The following SNRPC variants were observed in gnomAD, a reference collection of about 807,000 sequenced individuals.
SNRPC encodes the protein small nuclear ribonucleoprotein polypeptide C.
Under a neutral mutation model 20.0 loss-of-function variants are expected in SNRPC, and 5 were observed. The ratio of observed to expected loss-of-function variants is 0.25; its 90% CI spans 0.13 to 0.53. The LOEUF is 0.53. Among genes scored for constraint, SNRPC ranks in the 20% least tolerant of loss-of-function variants. The pLI is 0.96. For synonymous variants in SNRPC, 61 were observed against 58.7 expected (o/e 1.04, Z -0.18); for missense variants, 112 against 224.1 (o/e 0.50, Z 3.19).
intron 3 of SNRPC, 89 bp from the exon 4 acceptor site, chr6:34,767,819 T>C: frequency 7.6e-7 from 1 of 1,324,006 alleles, no homozygotes; most frequent in African/African-American, 1.5e-5. Flanking sequence ...TTGGAACCGT[T>C]GAAGACTTAA....
At chr6:34,763,169 A>G (rs1469324235) in intron 3 of SNRPC, among the ~76,000 whole-genome samples, 1 of 152,168 alleles carries the variant, frequency 6.6e-6, no homozygotes, top group African/African-American at 2.4e-5. Flanking sequence ...TACCTGATGT[A>G]ACAAAATAGT....
chr6:34,762,085 CTTGAGCCTAGGGG>C (rs1444680419), intron 2 of SNRPC, among the ~76,000 whole-genome samples: 2 of 152,116 alleles, frequency 1.3e-5, no homozygotes, highest in Non-Finnish European at 2.9e-5. Context: ...GAGAGGATCA[CTTGAGCCTAGGGG>C]TTTGAGACCA....
intron 4 of SNRPC, among the ~76,000 whole-genome samples, chr6:34,768,690 T>C (rs1196707758): frequency 6.7e-6 from 1 of 149,354 alleles, no homozygotes; most frequent in Non-Finnish European, 1.5e-5. Flanking sequence ...TGGTGGGGGT[T>C]GCAGTGAGCT....
chr6:34,761,507 G>A (rs2127405887), intron 2 of SNRPC, among the ~76,000 whole-genome samples: 1 of 143,600 alleles, frequency 7.0e-6, no homozygotes, highest in Non-Finnish European at 1.5e-5. Flanking sequence ...GGGAAGACAA[G>A]GAACAATTTT....
chr6:34,757,563 C>T lies in SNRPC; in HGVS notation c.8+12C>T. 6.2e-7 allele frequency: 1 copy of T among 1,612,556 alleles called. No individual in the cohort carries two copies. The highest frequency in any genetic ancestry group is 2.2e-5 in the East Asian group (1 of 44,860). ...AGCAACATGCCCAAGTGAGTGGGGCCCCGAAATCTGAGGGTGATCGTAGTC... is the reference window on the plus strand; with the variant it reads ...AGCAACATGCCCAAGTGAGTGGGGCTCCGAAATCTGAGGGTGATCGTAGTC... On this transcript the variant is annotated intron_variant, in intron 1 of 5. Transcript: ENST00000244520.
chr6:34,767,429 C>G (rs566238299), intron 3 of SNRPC, among the ~76,000 whole-genome samples: 2 of 152,246 alleles, frequency 1.3e-5, no homozygotes, highest in South Asian at 4.1e-4. Context: ...GAGACCAGCC[C>G]GGGCAATATG....
At chr6:34,765,933 G>A (rs1322500270) in intron 3 of SNRPC, among the ~76,000 whole-genome samples, 4 of 151,642 alleles carry the variant, frequency 2.6e-5, no homozygotes, top group Admixed American at 2.6e-4. Flanking sequence ...TAGAGATGGT[G>A]TCTCACTTTG....
At chr6:34,763,951 G>A (rs184587363) in intron 3 of SNRPC, among the ~76,000 whole-genome samples, 9,820 of 149,242 alleles carry the variant, frequency 0.066, 530 homozygotes, top group East Asian at 0.34. Context: ...TCCTGACCTC[G>A]TGATCCACCC....
At chr6:34,768,927 C>T (rs1764651277) in intron 4 of SNRPC, among the ~76,000 whole-genome samples, 1 of 152,074 alleles carries the variant, frequency 6.6e-6, no homozygotes, top group Non-Finnish European at 1.5e-5. Context: ...TGGGAGGGGT[C>T]AGACTGAAAT....
chr6:34,769,807 T>G (rs1309905908), intron 4 of SNRPC, among the ~76,000 whole-genome samples: 1 of 152,202 alleles, frequency 6.6e-6, no homozygotes, highest in East Asian at 1.9e-4. Context: ...TTGCTTTTTA[T>G]TCATAGATTA....
intron 5 of SNRPC, among the ~76,000 whole-genome samples, chr6:34,770,663 C>T (rs371765718): frequency 9.2e-5 from 14 of 152,356 alleles, no homozygotes; most frequent in African/African-American, 3.1e-4. Context: ...CCAGTGACCT[C>T]GTGCTACTAA....
At chr6:34,757,673 G>C in intron 1 of SNRPC, 122 bp downstream of exon 1, 1 of 1,376,868 alleles carries the variant, frequency 7.3e-7, no homozygotes, top group Non-Finnish European at 1.0e-6. Context: ...GGGCCGGGTG[G>C]ACGGAGGCAG....
intron 2 of SNRPC, among the ~76,000 whole-genome samples, chr6:34,761,082 A>G (rs1379890542): frequency 6.6e-6 from 1 of 151,746 alleles, no homozygotes; most frequent in Non-Finnish European, 1.5e-5. Context: ...CAAAAAAGAA[A>G]TGTGTAAAAA....
At chr6:34,761,513 A>ATTTTTTTTTTTTTTTTTTTTTTTTT (rs869059984) in intron 2 of SNRPC, among the ~76,000 whole-genome samples, 1 of 85,650 alleles carries the variant, frequency 1.2e-5, no homozygotes, top group Non-Finnish European at 2.1e-5. Flanking sequence ...ACAAGGAACA[A>ATTTTTTTTTTTTTTTTTTTTTTTTT]TTTTTTTTTT....
Position 34,757,900 on chromosome 6 carries a change from AC to A in SNRPC, c.9-10del. ...GTTGTCGTCTTTTTCTCTTCCTTTC[AC>A]CTCTTTTCAGGTTTTATTGTGACTA... On this transcript the variant is annotated splice_polypyrimidine_tract_variant and intron_variant, in intron 1 of 5. Transcript: ENST00000244520. 6.2e-7 allele frequency: 1 copy of A among 1,608,230 alleles called. No homozygotes were observed.
rs995220847 is a variant in SNRPC at position 34,757,683 on chromosome 6, G to A, written c.8+132G>A. ...TATCTGGGCCGGGTGGACGGAGGCA[G>A]GGAGATGGAGAGCGCTAGACACCCC... On this transcript the variant is annotated intron_variant, in intron 1 of 5. Coordinates refer to ENST00000244520, the MANE Select transcript of SNRPC (RefSeq NM_003093.3). 1.2e-5 allele frequency: 16 copies of A among 1,366,434 alleles called. No homozygotes were observed. The South Asian group carries it at 1.8e-4, about 15-fold the overall frequency. The allele number at this position is 1,366,434 out of a possible 1,614,324, so 84.6% of individuals were successfully genotyped here.
chr6:34,773,383 A>G lies in SNRPC; in HGVS notation c.356-63A>G, dbSNP rs1183274208. On this transcript the variant is annotated intron_variant, in intron 5 of 5. Transcript: ENST00000244520. The surrounding 1 kb of genome is among the most constrained non-coding windows in gnomAD (Gnocchi z 4.1). ...TTTGTTTTTAATTGAAGTCCCATCA[A>G]ACTCTCCCTAAATCGTATTTTCTGA... 4 of 1,517,354 alleles carry G rather than the reference A, an allele frequency of 2.6e-6. No individual in the cohort carries two copies. Among genetic ancestry groups the G allele is most frequent in the African/African-American group, 2.8e-5 (2 of 72,692 alleles). 94.0% of individuals were successfully genotyped at this position (1,517,354 alleles called of 1,614,324 possible). A position where few individuals can be genotyped will look rare whatever the true frequency, so the allele number is the denominator to read the frequency against.
chr6:34,773,657 T>C lies in SNRPC; in HGVS notation c.*87T>C. 3 of 1,245,838 alleles carry C rather than the reference T, an allele frequency of 2.4e-6. No individual in the cohort carries two copies. The highest frequency in any genetic ancestry group is 2.3e-6 in the Non-Finnish European group (2 of 874,016). 77.2% of individuals were successfully genotyped at this position (1,245,838 alleles called of 1,614,324 possible). ...CATGCTGCTGTGATACTGAGTTTTC[T>C]AAACAGCATAAGGAAGACTTGCTCC... On this transcript the variant is annotated 3_prime_UTR_variant, in exon 6 of 6. Coordinates refer to ENST00000244520, the MANE Select transcript of SNRPC (RefSeq NM_003093.3). The surrounding 1 kb of genome is among the most constrained non-coding windows in gnomAD (Gnocchi z 4.1).
chr6:34,762,536 T>C, intron 2 of SNRPC, 59 bp from the exon 3 acceptor site: 2 of 894,520 alleles, frequency 2.2e-6, no homozygotes, highest in Non-Finnish European at 3.7e-6. Context: ...TAAAACTTTA[T>C]TAAATTTTTA....
Sources: gnomAD v4.1 joint callset for allele counts (sites outside exome capture counted in the v4.1 genomes callset) on GRCh38, gnomAD v4.1.1 for gene constraint, Gnocchi (gnomAD v3.1) non-coding constraint, MANE v1.5 for transcripts, NCBI Gene and HGNC (gene_info 2026-07-23, HGNC 2026-07-21) for gene names.